Variants in SLC37A1 observed in about 807,000 individuals in gnomAD.
SLC37A1 encodes glucose-6-phosphate exchanger SLC37A1.
In SLC37A1, 49 loss-of-function variants were observed where a neutral mutation model predicts 75.3. The observed-to-expected ratio is 0.65, with a 90% confidence interval of 0.52 to 0.83. The LOEUF (loss-of-function observed/expected upper bound fraction) is 0.83, where lower values mean the gene tolerates loss of function less well. Ranked by LOEUF, SLC37A1 falls within the 40% of genes least tolerant of loss-of-function variation. The probability of loss-of-function intolerance (pLI) is 0.00; values close to 1 mark genes in which losing one functional copy is unlikely to be tolerated. For missense variants in SLC37A1, 566 were observed against 695.0 expected, an observed-to-expected ratio of 0.81 and a Z score of 2.09; for synonymous variants, 268 against 292.1, an observed-to-expected ratio of 0.92 and a Z score of 0.84.
At chr21:42,571,669 C>T (rs1372659375) in intron 17 of SLC37A1, among the ~76,000 whole-genome samples, 3 of 152,094 alleles carry the variant, frequency 2.0e-5, no homozygotes, top group Non-Finnish European at 4.4e-5. Context: ...GGCTCCCTTC[C>T]ACCCCGACAT....
In SLC37A1 at chr21:42,552,846, G is replaced by A. The variant is rs930975563; in HGVS notation, c.769-1216G>A. Among the ~76,000 whole-genome samples, 1 of 152,208 alleles carries A rather than the reference G, an allele frequency of 6.6e-6. No homozygotes were observed. Among genetic ancestry groups the A allele is most frequent in the Admixed American group, 6.5e-5 (1 of 15,282 alleles). On this transcript the variant is annotated intron_variant, in intron 9 of 19. Coordinates refer to ENST00000352133, the MANE Select transcript of SLC37A1 (RefSeq NM_001320537.2). This position sits in a 1 kb window ranked among gnomAD's most constrained non-coding sequence, Gnocchi z 4.2. ...CAGCCTCTGCTCACTGCGGGGGACG[G>A]GGGGCCGAGTGCTGGGGAGCAGGAA...
At chr21:42,503,080 A>G (rs1341841452) in intron 2 of SLC37A1, 1 of 152,172 alleles carries the variant, frequency 6.6e-6, no homozygotes, top group African/African-American at 2.4e-5. Context: ...ATGTCATTAT[A>G]TGGTGCACAT....
chr21:42,540,079 A>T (rs555882556), intron 6 of SLC37A1, among the ~76,000 whole-genome samples: 1 of 152,176 alleles, frequency 6.6e-6, no homozygotes, highest in Non-Finnish European at 1.5e-5. Context: ...GCCCCAAACC[A>T]TCCCAAGATG....
chr21:42,502,673 T>C (rs538092511), intron 2 of SLC37A1: 1 of 152,358 alleles, frequency 6.6e-6, no homozygotes, highest in East Asian at 1.9e-4. Flanking sequence ...ATTTGTCAAC[T>C]TTAATATCTT....
chr21:42,525,016 G>A (rs904020695), intron 2 of SLC37A1, among the ~76,000 whole-genome samples: 7 of 152,266 alleles, frequency 4.6e-5, no homozygotes, highest in Non-Finnish European at 8.8e-5. Flanking sequence ...TGTTCTGCTC[G>A]ATCGTGCCTG....
At chr21:42,576,699 G>C (rs2056318337) in intron 18 of SLC37A1, among the ~76,000 whole-genome samples, 1 of 152,120 alleles carries the variant, frequency 6.6e-6, no homozygotes. Context: ...GACAGAGCAG[G>C]CTTCAAAAAC....
intron 10 of SLC37A1, among the ~76,000 whole-genome samples, chr21:42,556,118 G>C (rs1321544129): frequency 6.6e-6 from 1 of 152,222 alleles, no homozygotes; most frequent in Non-Finnish European, 1.5e-5. Context: ...AGAAAGCTGG[G>C]GGGCGGGGAG....
At chr21:42,563,941 G>C (rs1476319758) in intron 13 of SLC37A1, 64 bp downstream of exon 13, 1 of 1,569,072 alleles carries the variant, frequency 6.4e-7, no homozygotes, top group African/African-American at 1.3e-5. Flanking sequence ...TCTCTGAGTT[G>C]ATTCACTGCT....
At chr21:42,512,774 A>G (rs892512345), upstream of SLC37A1, among the ~76,000 whole-genome samples, 29 of 152,250 alleles carry the variant, frequency 1.9e-4, no homozygotes, top group African/African-American at 6.8e-4. Flanking sequence ...TCAAATGCCT[A>G]ACAAAGTGAT....
upstream of SLC37A1, among the ~76,000 whole-genome samples, chr21:42,513,230 C>A (rs1043850071): frequency 6.6e-6 from 1 of 151,964 alleles, no homozygotes; most frequent in Non-Finnish European, 1.5e-5. Context: ...GACGTGGGAG[C>A]CTGTGTGCCA....
At chr21:42,522,605 A>G (rs907966006) in intron 2 of SLC37A1, among the ~76,000 whole-genome samples, 1 of 152,222 alleles carries the variant, frequency 6.6e-6, no homozygotes, top group Non-Finnish European at 1.5e-5. Flanking sequence ...TGAAGAAATG[A>G]GAGAGGAAAG....
intron 2 of SLC37A1, among the ~76,000 whole-genome samples, chr21:42,519,983 T>TGC (rs1440426182): frequency 1.3e-5 from 2 of 151,944 alleles, no homozygotes; most frequent in African/African-American, 4.8e-5. Context: ...TGTGTGTGTG[T>TGC]GCATGTGTGT....
intron 3 of SLC37A1, among the ~76,000 whole-genome samples, chr21:42,527,517 G>A (rs2839540): frequency 0.098 from 14,923 of 152,104 alleles, 800 homozygotes; most frequent in Middle Eastern, 0.15. Context: ...AATAACTGCC[G>A]CTTACAGAGC....
intron 2 of SLC37A1, among the ~76,000 whole-genome samples, chr21:42,523,119 G>T (rs8133879): frequency 0.13 from 20,269 of 152,250 alleles, 1,597 homozygotes; most frequent in Non-Finnish European, 0.18. Context: ...GGACAGAGCT[G>T]CTCTTCTCAA....
At chr21:42,519,559 C>T (rs2054595331) in intron 2 of SLC37A1, among the ~76,000 whole-genome samples, 1 of 152,204 alleles carries the variant, frequency 6.6e-6, no homozygotes, top group South Asian at 2.1e-4. Flanking sequence ...CAAATGCCTT[C>T]TGCTCAAAAT....
rs118167864 is a variant in SLC37A1 at position 42,558,394 on chromosome 21, C to T, written c.850-564C>T. Among the ~76,000 whole-genome samples, 86 of 152,274 alleles carry T rather than the reference C, an allele frequency of 5.6e-4. 1 individual carries two copies. The East Asian group carries it at 0.014, about 24-fold the overall frequency. On this transcript the variant is annotated intron_variant, in intron 10 of 19. Transcript: ENST00000352133. ...TGTAAAGAATTTCTTATTAGCATTT[C>T]GATAAAAATTACACATAATTCCACC...
intron 3 of SLC37A1, among the ~76,000 whole-genome samples, chr21:42,527,672 TGCCTCCAGG>T (rs985276593): frequency 6.6e-6 from 1 of 152,182 alleles, no homozygotes; most frequent in Non-Finnish European, 1.5e-5. Flanking sequence ...TGGGTCAGGC[TGCCTCCAGG>T]GCCCCTACTC....
upstream of SLC37A1, among the ~76,000 whole-genome samples, chr21:42,513,087 G>A (rs750385222): frequency 6.6e-5 from 10 of 152,226 alleles, no homozygotes; most frequent in African/African-American, 1.4e-4. Flanking sequence ...GCTCTTCCCC[G>A]AGGAGTGGGC....
chr21:42,520,530 T>C (rs62215908), intron 2 of SLC37A1, among the ~76,000 whole-genome samples: 22,226 of 152,212 alleles, frequency 0.15, 2,374 homozygotes, highest in African/African-American at 0.3. Context: ...GAAGGAGCTA[T>C]AGGCATGGGA....
Sources: allele counts gnomAD v4.1 joint callset (sites outside exome capture counted in the v4.1 genomes callset), GRCh38; gene constraint gnomAD v4.1.1; non-coding constraint Gnocchi (gnomAD v3.1); transcripts MANE v1.5; gene names NCBI Gene and HGNC (gene_info 2026-07-23, HGNC 2026-07-21).